The following TAFA5 variants were observed in gnomAD, a reference collection of about 807,000 sequenced individuals.
TAFA5 encodes the protein TAFA chemokine like family member 5, also known as chemokine-like protein TAFA-5.
TAFA5 carries 6 observed loss-of-function variants against 15.3 expected under a neutral mutation model. That is an observed-to-expected ratio of 0.39 (90% CI 0.21 to 0.77). TAFA5 has a LOEUF of 0.77. TAFA5 is among the 30% of genes least tolerant of loss of function. The pLI is 0.41. For missense variants in TAFA5, 161 were observed against 193.1 expected, an observed-to-expected ratio of 0.83 and a Z score of 0.98; for synonymous variants, 103 against 80.7, an observed-to-expected ratio of 1.28 and a Z score of -1.48.
chr22:48,676,913 T>A (rs76008080), intron 2 of TAFA5, among the ~76,000 whole-genome samples: 1 of 152,152 alleles, frequency 6.6e-6, no homozygotes, highest in East Asian at 1.9e-4. Flanking sequence ...CCCAGGATGG[T>A]CTGGTTAGGG....
chr22:48,568,735 T>C (rs148455471), intron 1 of TAFA5, among the ~76,000 whole-genome samples: 130 of 152,246 alleles, frequency 8.5e-4, no homozygotes, highest in Non-Finnish European at 1.6e-3. Flanking sequence ...CTGTGACCAG[T>C]GGTCCTCCCC....
chr22:48,501,957 G>A (rs1162024200), intron 1 of TAFA5, among the ~76,000 whole-genome samples: 3 of 152,182 alleles, frequency 2.0e-5, no homozygotes, highest in Non-Finnish European at 4.4e-5. Context: ...CATCCATTCC[G>A]CCCCATGCCG....
At position 48,717,605 on chromosome 22, in the gene TAFA5, C is replaced by T. The variant is rs141199979; in HGVS notation, c.390+9761C>T. On this transcript the variant is annotated intron_variant, in intron 3 of 3. Coordinates refer to ENST00000402357, the MANE Select transcript of TAFA5 (RefSeq NM_001082967.3). ...CGTGGGAACGTTGGAGAGCTGTGGC[C>T]GAGCCAGCACTGCCTCAGCCAGATC... 1.5e-3 allele frequency among the ~76,000 whole-genome samples: 224 copies of T among 152,324 alleles called. 5 individuals carry two copies. The highest frequency in any genetic ancestry group is 0.013 in the Admixed American group (195 of 15,302).
At chr22:48,677,144 C>G (rs966764035) in intron 2 of TAFA5, among the ~76,000 whole-genome samples, 3 of 152,268 alleles carry the variant, frequency 2.0e-5, no homozygotes, top group African/African-American at 7.2e-5. Flanking sequence ...AAAGCTGTTT[C>G]CGGCACAGGC....
chr22:48,707,603 G>A lies in TAFA5; in HGVS notation c.263-114G>A, dbSNP rs1408087935. 22 of 1,306,720 alleles carry A rather than the reference G, an allele frequency of 1.7e-5. No individual in the cohort carries two copies. The South Asian group carries it at 1.9e-4, about 11-fold the overall frequency. The allele number at this position is 1,306,720 out of a possible 1,614,324, so 80.9% of individuals were successfully genotyped here. A position where few individuals can be genotyped will look rare whatever the true frequency, so the allele number is the denominator to read the frequency against. On this transcript the variant is annotated intron_variant, in intron 2 of 3. Coordinates refer to ENST00000402357, the MANE Select transcript of TAFA5 (RefSeq NM_001082967.3). The stretch of plus-strand genomic sequence containing the variant: ...TGTGAGGGTCCCTGGGTGGAGCCAC[G>A]CCGGGCATTGCCTGAGGGCCCCCCC...
At chr22:48,615,323 C>A (rs978208207) in intron 1 of TAFA5, among the ~76,000 whole-genome samples, 1 of 152,200 alleles carries the variant, frequency 6.6e-6, no homozygotes, top group Non-Finnish European at 1.5e-5. Context: ...CGGCTCGGTC[C>A]GACGAGCTTG....
chr22:48,603,757 A>G (rs1241554544), intron 1 of TAFA5, among the ~76,000 whole-genome samples: 1 of 152,166 alleles, frequency 6.6e-6, no homozygotes, highest in African/African-American at 2.4e-5. Flanking sequence ...AGCTTTCATC[A>G]TAACACAGGC....
intron 1 of TAFA5, among the ~76,000 whole-genome samples, chr22:48,593,183 G>C (rs1032198682): frequency 2.0e-5 from 3 of 152,214 alleles, no homozygotes; most frequent in Admixed American, 1.3e-4. Flanking sequence ...TTGACGTCCT[G>C]AGGCCGAGGC....
At chr22:48,706,499 C>A (rs531900969) in intron 2 of TAFA5, among the ~76,000 whole-genome samples, 1 of 152,214 alleles carries the variant, frequency 6.6e-6, no homozygotes. Context: ...GGATATGTGA[C>A]TTCATCCGTT....
intron 3 of TAFA5, among the ~76,000 whole-genome samples, chr22:48,739,756 C>T (rs968787458): frequency 1.3e-5 from 2 of 152,188 alleles, no homozygotes; most frequent in South Asian, 2.1e-4. Context: ...CTGTGTTTGT[C>T]GTGGGCTTGC....
chr22:48,672,170 CTTGGCTTGGTTT>C (rs564825849), intron 2 of TAFA5, among the ~76,000 whole-genome samples: 1 of 152,336 alleles, frequency 6.6e-6, no homozygotes, highest in East Asian at 1.9e-4. Context: ...AGCCTTTGTT[CTTGGCTTGGTTT>C]TTGGACTCCT....
Position 48,598,314 on chromosome 22 carries a change from A to G in TAFA5, c.113-48283A>G, listed in dbSNP as rs1248444788. On this transcript the variant is annotated intron_variant, in intron 1 of 3. Coordinates refer to ENST00000402357, the MANE Select transcript of TAFA5 (RefSeq NM_001082967.3). This position sits in a 1 kb window ranked among gnomAD's most constrained non-coding sequence, Gnocchi z 4.0. ...AAAACACTCCTTCACAGAAAAATCC[A>G]GAATCATTTGACCAAACCTGTGGGC... 2.6e-5 allele frequency among the ~76,000 whole-genome samples: 4 copies of G among 152,210 alleles called. No homozygotes were observed. The highest frequency in any genetic ancestry group is 5.9e-5 in the Non-Finnish European group (4 of 68,034).
chr22:48,648,630 G>A (rs1926948969), intron 2 of TAFA5, among the ~76,000 whole-genome samples: 1 of 152,172 alleles, frequency 6.6e-6, no homozygotes, highest in African/African-American at 2.4e-5. Context: ...CACGAGGTCA[G>A]GAGTTCAGGA....
At chr22:48,504,179 CG>C (rs1466837804) in intron 1 of TAFA5, among the ~76,000 whole-genome samples, 1 of 152,174 alleles carries the variant, frequency 6.6e-6, no homozygotes, top group East Asian at 1.9e-4. Flanking sequence ...GACACTCCCT[CG>C]GCTGGCAGAG....
At chr22:48,694,091 G>A (rs1442380751) in intron 2 of TAFA5, among the ~76,000 whole-genome samples, 3 of 152,190 alleles carry the variant, frequency 2.0e-5, no homozygotes, top group Admixed American at 1.3e-4. Context: ...ATCACCGCTT[G>A]TAAGCCGTGT....
rs758864359 is a variant in TAFA5, at chr22:48,734,867, C to T, written c.391-14972C>T. On this transcript the variant is annotated intron_variant, in intron 3 of 3. Coordinates refer to ENST00000402357, the MANE Select transcript of TAFA5 (RefSeq NM_001082967.3). ...GATTTGGGGAAAAACCCAAGTTGGA[C>T]TCTTACCTCACACCATGTTCAAAAC... 1.4e-4 allele frequency among the ~76,000 whole-genome samples: 22 copies of T among 152,196 alleles called. 1 individual carries two copies. The highest frequency in any genetic ancestry group is 3.1e-4 in the Non-Finnish European group (21 of 68,038).
intron 2 of TAFA5, among the ~76,000 whole-genome samples, chr22:48,692,443 T>G (rs78907728): frequency 0.079 from 11,982 of 152,270 alleles, 1,122 homozygotes; most frequent in African/African-American, 0.22. Flanking sequence ...GATTTAATTT[T>G]TTAAGAGACT....
At chr22:48,526,229 C>T (rs1459909584) in intron 1 of TAFA5, among the ~76,000 whole-genome samples, 1 of 152,218 alleles carries the variant, frequency 6.6e-6, no homozygotes, top group Non-Finnish European at 1.5e-5. Context: ...CTGCTGCCCT[C>T]CTCCGTCTGT....
intron 1 of TAFA5, among the ~76,000 whole-genome samples, chr22:48,517,184 C>G (rs888099367): frequency 2.6e-5 from 4 of 152,178 alleles, no homozygotes; most frequent in Admixed American, 1.3e-4. Context: ...GAGGCCTTTC[C>G]AGACTGGGCA....
Sources: allele counts gnomAD v4.1 joint callset (sites outside exome capture counted in the v4.1 genomes callset), GRCh38; gene constraint gnomAD v4.1.1; non-coding constraint Gnocchi (gnomAD v3.1); transcripts MANE v1.5; gene names NCBI Gene and HGNC (gene_info 2026-07-23, HGNC 2026-07-21).